The following ATM variants were observed in gnomAD, a reference collection of about 807,000 sequenced individuals.
ATM encodes serine-protein kinase ATM.
ATM carries 308 observed loss-of-function variants against 387.0 expected under a neutral mutation model. The observed-to-expected ratio is 0.80, with a 90% CI of 0.73 to 0.87. The LOEUF (loss-of-function observed/expected upper bound fraction) is 0.87. ATM is among the 40% of genes least tolerant of loss of function. ATM has a pLI of 0.00. For missense variants in ATM, 3,312 were observed against 3,560.9 expected, an observed-to-expected ratio of 0.93 and a Z score of 1.78; for synonymous variants, 1,156 against 1,187.3, an observed-to-expected ratio of 0.97 and a Z score of 0.54.
chr11:108,272,096 A>G lies in ATM; in HGVS notation c.3078-436A>G, dbSNP rs564019769. 2.6e-5 allele frequency among the ~76,000 whole-genome samples: 4 copies of G among 152,282 alleles called. No homozygotes were observed. In the South Asian group the frequency reaches 6.2e-4, roughly 24 times the overall value. The stretch of plus-strand genomic sequence containing the variant: ...CAACACGTTGGCCAGGCTGGTCCCA[A>G]ACTCCTGACCTCAAGTGATCTGCCC... On this transcript the variant is annotated intron_variant, in intron 20 of 62. Transcript: ENST00000675843.
chr11:108,365,739 C>G lies in ATM; in HGVS notation c.*231C>G, dbSNP rs761745363. On this transcript the variant is annotated 3_prime_UTR_variant, in exon 63 of 63. Coordinates refer to ENST00000675843, the MANE Select transcript of ATM (RefSeq NM_000051.4). Reference sequence around the variant, plus strand: ...AGAAATAATGGTCATTCGGGCTGGGCGCAGCGGCTCACGCCTGTAATCCCA... The same window carrying G: ...AGAAATAATGGTCATTCGGGCTGGGGGCAGCGGCTCACGCCTGTAATCCCA... 10 of 585,280 alleles carry G rather than the reference C, an allele frequency of 1.7e-5. No individual in the cohort carries two copies. In the South Asian group the frequency reaches 2.0e-4, roughly 12 times the overall value. 36.3% of individuals were successfully genotyped at this position (585,280 alleles called of 1,614,324 possible).
At chr11:108,334,030 T>C in intron 54 of ATM, 62 bp downstream of exon 54, 1 of 1,306,756 alleles carries the variant, frequency 7.7e-7, no homozygotes. Context: ...ATTGAACCAT[T>C]TGAAATAGTA....
chr11:108,252,189 C>T (rs1247950380), intron 11 of ATM, among the ~76,000 whole-genome samples, 158 bp downstream of exon 11: 4 of 152,140 alleles, frequency 2.6e-5, no homozygotes, highest in Non-Finnish European at 5.9e-5. Context: ...TTACAGTTAT[C>T]TGTGTCTTTA....
At position 108,251,867 on chromosome 11, in the gene ATM, G is replaced by T; in HGVS notation, c.1638G>T (p.Leu546=). The change falls in exon 11 of 63, where the codon CTG becomes CTT. Residue 546 remains leucine (L), a synonymous_variant. Transcript: ENST00000675843. ...CAGTATGCTGTTTGACTTTGGCACTGACCACCAGTATAGTTCCAGGAACGG... is the reference window on the plus strand; with the variant it reads ...CAGTATGCTGTTTGACTTTGGCACTTACCACCAGTATAGTTCCAGGAACGG... The part of the protein sequence containing the change: ...CPAVCCLTLA[L]TTSIVPGTVK... The T allele has an allele frequency of 1.2e-6, 2 of 1,613,738 alleles. No individual in the cohort carries two copies. The highest frequency in any genetic ancestry group is 2.2e-5 in the South Asian group (2 of 90,984).
At chr11:108,273,762 T>C (rs2081762605) in intron 22 of ATM, among the ~76,000 whole-genome samples, 4 of 152,240 alleles carry the variant, frequency 2.6e-5, no homozygotes, top group African/African-American at 9.6e-5. Flanking sequence ...TTTGATGTGC[T>C]GGATTCAGTT....
In ATM at chr11:108,267,295, G is replaced by A. The variant is rs1555082306; in HGVS notation, c.2591G>A (p.Ser864Asn). 2 of 1,614,094 alleles carry A rather than the reference G, an allele frequency of 1.2e-6. No individual in the cohort carries two copies. The highest frequency in any genetic ancestry group is 1.7e-5 in the Admixed American group (1 of 60,014). ...SMNLFNDYPDSSVSDANEPGE... is the reference protein window; with the variant it reads ...SMNLFNDYPDNSVSDANEPGE... ...AATCTATTTAACGATTACCCTGATA[G>A]TAGTGTTAGTGATGCAAACGAACCT... is the stretch of plus-strand genomic sequence containing the variant. Residue 864 changes from serine (S) to asparagine (N), a missense_variant, in exon 17 of 63, where the codon AGT becomes AAT. By Grantham distance (46) the Ser-to-Asn change is conservative. This residue lies in a region of ATM where 1,791 missense variants were observed against 1,804.5 expected (regional missense o/e 0.99). Transcript: ENST00000675843.
rs192513490 is a variant in ATM, at chr11:108,356,407, G to A, written c.8850+1533G>A. Among the ~76,000 whole-genome samples the A allele has an allele frequency of 2.1e-3, 326 of 152,070 alleles. 4 individuals are homozygous for A. The highest frequency in any genetic ancestry group is 7.6e-3 in the African/African-American group (314 of 41,462). On this transcript the variant is annotated intron_variant, in intron 61 of 62. Transcript: ENST00000675843. ...AAAAATTAGCTGGGCGTGATGGCGG[G>A]CACCTGTAATCCCAGCTACTCAGGA...
At chr11:108,360,714 G>C (rs1170355022) in intron 61 of ATM, among the ~76,000 whole-genome samples, 4 of 143,922 alleles carry the variant, frequency 2.8e-5, no homozygotes, top group Admixed American at 7.1e-5. Context: ...TATCTCAATA[G>C]ATGCAGAAAA....
intron 4 of ATM, among the ~76,000 whole-genome samples, chr11:108,232,861 C>T (rs2079085082): frequency 6.8e-6 from 1 of 148,050 alleles, no homozygotes; most frequent in Non-Finnish European, 1.5e-5. Context: ...CTGTTCATTT[C>T]TTTTCTTTTT....
rs1555139447 is a variant in ATM, at chr11:108,347,275, C to G, written c.8585-4C>G. ...TTCAGATTGTTTGTTTCTTTTTTCT[C>G]CAGTTGGTTACATACTTGGACTTGG... On this transcript the variant is annotated splice_region_variant and splice_polypyrimidine_tract_variant and intron_variant, in intron 58 of 62. Transcript: ENST00000675843. 6.3e-7 allele frequency: 1 copy of G among 1,597,114 alleles called. No homozygotes were observed. Among genetic ancestry groups the G allele is most frequent in the East Asian group, 2.2e-5 (1 of 44,672 alleles).
Position 108,268,402 on chromosome 11 carries a change from A to T in ATM, c.2639-8A>T, listed in dbSNP as rs779419160. 2 of 1,612,894 alleles carry T rather than the reference A, an allele frequency of 1.2e-6. No individual in the cohort carries two copies. Among genetic ancestry groups the T allele is most frequent in the South Asian group, 2.2e-5 (2 of 91,018 alleles). On this transcript the variant is annotated splice_polypyrimidine_tract_variant and splice_region_variant and intron_variant, in intron 17 of 62. Transcript: ENST00000675843. ...CTCTTAGTGTTAATGAGTGCTTTTT[A>T]TTTTTAGGTGCCATTAATCCTTTAG...
At chr11:108,280,041 T>C (rs2082151059) in intron 23 of ATM, among the ~76,000 whole-genome samples, 1 of 152,224 alleles carries the variant, frequency 6.6e-6, no homozygotes, top group Non-Finnish European at 1.5e-5. Context: ...ATAATATATT[T>C]TTTATGGTAA....
chr11:108,266,538 T>G, intron 16 of ATM, among the ~76,000 whole-genome samples: 2 of 147,842 alleles, frequency 1.4e-5, no homozygotes, highest in Non-Finnish European at 3.0e-5. Context: ...TAATGCTAGA[T>G]GACGAGTTAG....
At chr11:108,302,629 T>C (rs540153124) in intron 35 of ATM, among the ~76,000 whole-genome samples, 6 of 152,154 alleles carry the variant, frequency 3.9e-5, no homozygotes, top group Non-Finnish European at 7.4e-5. Context: ...GAGCTGAGAG[T>C]AGAACCTAAT....
chr11:108,345,601 C>G (rs2137016114), intron 57 of ATM, 142 bp from the exon 58 acceptor site: 1 of 685,260 alleles, frequency 1.5e-6, no homozygotes. Context: ...GCTTCCCTGT[C>G]CAGACTGTTA....
At chr11:108,289,460 C>A (rs934680892) in intron 28 of ATM, 142 bp from the exon 29 acceptor site, 1 of 719,336 alleles carries the variant, frequency 1.4e-6, no homozygotes, top group Non-Finnish European at 2.2e-6. Context: ...TGATATCAAA[C>A]CCAAATCTAA....
At chr11:108,247,266 C>A (rs2135272539) in intron 8 of ATM, 139 bp downstream of exon 8, 1 of 761,112 alleles carries the variant, frequency 1.3e-6, no homozygotes, top group Non-Finnish European at 2.2e-6. Context: ...TCCTTTCAAA[C>A]TATCAGAAAT....
intron 45 of ATM, among the ~76,000 whole-genome samples, chr11:108,324,370 T>C (rs1412629928): frequency 1.3e-5 from 2 of 152,132 alleles, no homozygotes; most frequent in African/African-American, 4.8e-5. Flanking sequence ...TTGTTATTTA[T>C]GATATATAGT....
In ATM at chr11:108,320,006, T is replaced by C. The variant is rs758446561; in HGVS notation, c.6400T>C (p.Ser2134Pro). The change falls in exon 44 of 63, where the codon TCT (serine) becomes CCT (proline). Residue 2134 changes from serine to proline, a missense_variant. Transcript: ENST00000675843. The stretch of plus-strand genomic sequence containing the variant: ...TGAATCATTGTACAATGCTCTACAA[T>C]CTCTAAGAGACAGAGAATTCTCTAC... ...YHESLYNALQ[S>P]LRDREFSTFY... The C allele has an allele frequency of 1.4e-5, 22 of 1,612,492 alleles. No homozygotes were observed. In the South Asian group the frequency reaches 2.3e-4, roughly 17 times the overall value.
Sources: gnomAD v4.1 joint callset for allele counts (sites outside exome capture counted in the v4.1 genomes callset) on GRCh38, gnomAD v4.1.1 for gene constraint, gnomAD v4.1.1 regional missense constraint, MANE v1.5 for transcripts, NCBI Gene and HGNC (gene_info 2026-07-23, HGNC 2026-07-21) for gene names.